The following KIR2DL4 variants were observed in gnomAD, a reference collection of about 807,000 sequenced individuals.
KIR2DL4 encodes the protein killer cell immunoglobulin like receptor, two Ig domains and long cytoplasmic tail 4.
In KIR2DL4, 41 loss-of-function variants were observed where a neutral mutation model predicts 31.0. That is an observed-to-expected ratio of 1.32 (90% CI 1.03 to 1.72). KIR2DL4 has a LOEUF of 1.72. KIR2DL4 is among the 40% of genes most tolerant of loss of function. KIR2DL4 has a pLI of 0.00. For missense variants in KIR2DL4, 438 were observed against 353.7 expected, an observed-to-expected ratio of 1.24 and a Z score of -1.91; for synonymous variants, 164 against 133.6, an observed-to-expected ratio of 1.23 and a Z score of -1.57.
exon 4 of KIR2DL4, chr19:54,806,053 A>G: frequency 6.2e-7 from 1 of 1,611,518 alleles, no homozygotes; most frequent in Non-Finnish European, 8.5e-7. Flanking sequence ...TTTGACATCT[A>G]CCATCTATCC....
chr19:54,806,994 A>G (rs757637880), intron 4 of KIR2DL4, among the ~76,000 whole-genome samples: 4 of 147,116 alleles, frequency 2.7e-5, no homozygotes, highest in Non-Finnish European at 5.9e-5. Context: ...CAGCCTGGTG[A>G]CACAGAGAGA....
intron 3 of KIR2DL4, among the ~76,000 whole-genome samples, chr19:54,805,511 G>A (rs368657774): frequency 1.3e-5 from 2 of 151,524 alleles, no homozygotes; most frequent in East Asian, 3.9e-4. Flanking sequence ...GAAGGGGCTG[G>A]AGAAATCAAT....
chr19:54,808,895 A>T lies in KIR2DL4; in HGVS notation c.706+12A>T, dbSNP rs2060688321. 9 of 1,600,360 alleles carry T rather than the reference A, an allele frequency of 5.6e-6. No homozygotes were observed. Among genetic ancestry groups the T allele is most frequent in the Non-Finnish European group, 7.7e-6 (9 of 1,170,496 alleles). On this transcript the variant is annotated intron_variant, in intron 5 of 7. Coordinates refer to ENST00000359085, the Ensembl canonical transcript of KIR2DL4. ...AAGCTTCAAAACTGGTAAGTGAAGG[A>T]CCCCTCTTATCTCTGCTTTTGGAAA...
chr19:54,809,822 A>G (rs111735328), intron 5 of KIR2DL4, among the ~76,000 whole-genome samples: 2,093 of 151,410 alleles, frequency 0.014, 119 homozygotes, highest in African/African-American at 0.047. Flanking sequence ...CCCTAAAATC[A>G]TCTAGGATAC....
chr19:54,813,734 A>G (rs1425291793), exon 7 of KIR2DL4: 5 of 1,611,954 alleles, frequency 3.1e-6, no homozygotes, highest in Middle Eastern at 1.7e-4. Context: ...CAGAACAGTG[A>G]ACAGGGAGGT....
chr19:54,808,369 T>A (rs2060651567), intron 4 of KIR2DL4, among the ~76,000 whole-genome samples: 1 of 151,358 alleles, frequency 6.6e-6, no homozygotes. Flanking sequence ...TTTCATCTGA[T>A]TTTTGTGTAT....
chr19:54,814,007 G>A, exon 8 of KIR2DL4: 1 of 1,612,362 alleles, frequency 6.2e-7, no homozygotes, highest in Admixed American at 1.7e-5. Context: ...GTTGTCTCCT[G>A]CCCATGAGCA....
chr19:54,812,050 G>A (rs2060895442), intron 5 of KIR2DL4, among the ~76,000 whole-genome samples: 1 of 151,194 alleles, frequency 6.6e-6, no homozygotes. Context: ...CAAGAGGGTT[G>A]TGGATGTAGA....
intron 4 of KIR2DL4, among the ~76,000 whole-genome samples, chr19:54,807,657 C>A (rs113418417): frequency 0.011 from 1,700 of 149,322 alleles, 85 homozygotes; most frequent in African/African-American, 0.04. Context: ...AGGCTGGTCT[C>A]GAACTCTTGA....
intron 1 of KIR2DL4, 57 bp downstream of exon 1, chr19:54,803,748 G>T (rs2060321147): frequency 6.3e-7 from 1 of 1,586,544 alleles, no homozygotes; most frequent in African/African-American, 1.4e-5. Context: ...CAGATTGGGT[G>T]TCTCCCCAGC....
At chr19:54,804,995 G>A in exon 3 of KIR2DL4, 1 of 1,611,916 alleles carries the variant, frequency 6.2e-7, no homozygotes, top group Non-Finnish European at 8.5e-7. Flanking sequence ...CACACGCAGG[G>A]ACCTACAGAT....
At position 54,804,583 on chromosome 19, in the gene KIR2DL4, G is replaced by A. The variant is rs951161884; in HGVS notation, c.77-210G>A. On this transcript the variant is annotated intron_variant, in intron 2 of 7. Coordinates refer to ENST00000359085, the Ensembl canonical transcript of KIR2DL4. ...CTTGCAGTATTAAAATCTAGTAAGA[G>A]TCCCTTACTCAGCACCTGCTCAGTT... Among the ~76,000 whole-genome samples, 7 of 151,170 alleles carry A rather than the reference G, an allele frequency of 4.6e-5. 1 individual carries two copies. Among genetic ancestry groups the A allele is most frequent in the South Asian group, 4.3e-4 (2 of 4,694 alleles).
At position 54,810,031 on chromosome 19, in the gene KIR2DL4, G is replaced by C. The variant is rs1288061116; in HGVS notation, c.706+1148G>C. ...GCTCTTGGACACTGATATTGCAAAG[G>C]ATTAAATGGGAGGGCAGAAAATGAA... is the stretch of plus-strand genomic sequence containing the variant. On this transcript the variant is annotated intron_variant, in intron 5 of 7. Transcript: ENST00000359085. 1.3e-5 allele frequency among the ~76,000 whole-genome samples: 2 copies of C among 149,754 alleles called. 1 individual carries two copies. Among genetic ancestry groups the C allele is most frequent in the African/African-American group, 5.0e-5 (2 of 40,038 alleles).
Position 54,805,890 on chromosome 19 carries a change from G to T in KIR2DL4, c.362-61G>T, listed in dbSNP as rs570695268. The T allele has an allele frequency of 1.4e-5, 20 of 1,453,768 alleles. 1 individual carries two copies. The Admixed American group carries it at 3.7e-4, about 27-fold the overall frequency. The allele number at this position is 1,453,768 out of a possible 1,614,324, so 90.1% of individuals were successfully genotyped here. A position where few individuals can be genotyped will look rare whatever the true frequency, so the allele number is the denominator to read the frequency against. On this transcript the variant is annotated intron_variant, in intron 3 of 7. Transcript: ENST00000359085. ...GCAGGGCAGTGAGTTCTCAGCTCAGGTGGGAGGGGAGCTGTGACAAGGAAG... is the reference window on the plus strand; with the variant it reads ...GCAGGGCAGTGAGTTCTCAGCTCAGTTGGGAGGGGAGCTGTGACAAGGAAG...
exon 1 of KIR2DL4, chr19:54,803,665 C>A (rs895554285): frequency 1.9e-6 from 3 of 1,612,150 alleles, no homozygotes; most frequent in African/African-American, 2.7e-5. Context: ...TCCATGTCAC[C>A]CACGGTCATC....
intron 5 of KIR2DL4, among the ~76,000 whole-genome samples, chr19:54,809,399 T>A (rs2060720216): frequency 6.6e-6 from 1 of 150,884 alleles, no homozygotes; most frequent in African/African-American, 2.5e-5. Context: ...ATGCTCAGAC[T>A]GTGCAGTGTG....
chr19:54,811,126 C>CGGT (rs932588681), intron 5 of KIR2DL4, among the ~76,000 whole-genome samples: 1 of 151,186 alleles, frequency 6.6e-6, no homozygotes, highest in African/African-American at 2.4e-5. Context: ...AGGTTCTGAA[C>CGGT]GGTGGCTCAC....
chr19:54,813,548 G>A (rs1162028185), intron 6 of KIR2DL4, 142 bp from the exon 6 acceptor site: 1 of 868,786 alleles, frequency 1.2e-6, no homozygotes. Flanking sequence ...TGCACTCAGA[G>A]AGATGGAATG....
chr19:54,812,181 G>T (rs371450241), intron 5 of KIR2DL4, among the ~76,000 whole-genome samples: 12,178 of 151,042 alleles, frequency 0.081, 1,411 homozygotes, highest in African/African-American at 0.23. Flanking sequence ...TCACTCCAGG[G>T]AGACAGAACA....
Sources: allele counts gnomAD v4.1 joint callset (sites outside exome capture counted in the v4.1 genomes callset), GRCh38; gene constraint gnomAD v4.1.1; transcripts MANE v1.5; gene names NCBI Gene and HGNC (gene_info 2026-07-23, HGNC 2026-07-21).